The following ASCC3 variants were observed in gnomAD, a reference collection of about 807,000 sequenced individuals.
The protein encoded by ASCC3 is activating signal cointegrator 1 complex subunit 3, also known as ASC-1 complex subunit P200.
In ASCC3, 158 loss-of-function variants were observed where a neutral mutation model predicts 256.3. That is an observed-to-expected ratio of 0.62 (90% CI 0.54 to 0.70). ASCC3 has a LOEUF of 0.70. Among genes scored for constraint, ASCC3 ranks in the 30% least tolerant of loss-of-function variants. ASCC3 has a pLI of 0.00. For synonymous variants in ASCC3, 948 were observed against 883.4 expected (o/e 1.07, Z -1.30); for missense variants, 2,259 against 2,626.0 (o/e 0.86, Z 3.05).
At chr6:100,724,578 C>G (rs1053850604) in intron 11 of ASCC3, among the ~76,000 whole-genome samples, 1 of 151,088 alleles carries the variant, frequency 6.6e-6, no homozygotes, top group Non-Finnish European at 1.5e-5. Flanking sequence ...GAAATGGGGT[C>G]TAAGGCAAGG....
intron 36 of ASCC3, among the ~76,000 whole-genome samples, chr6:100,572,069 A>T (rs1770618299): frequency 6.6e-6 from 1 of 152,244 alleles, no homozygotes; most frequent in Non-Finnish European, 1.5e-5. Context: ...ATCAGGAGAT[A>T]TAAATCTCTA....
At chr6:100,523,958 A>G (rs1041860281) in intron 37 of ASCC3, among the ~76,000 whole-genome samples, 1 of 152,158 alleles carries the variant, frequency 6.6e-6, no homozygotes, top group Non-Finnish European at 1.5e-5. Context: ...ATATTTGTAT[A>G]TTATTGCACA....
At chr6:100,866,115 G>A (rs563557067) in intron 2 of ASCC3, among the ~76,000 whole-genome samples, 4 of 152,036 alleles carry the variant, frequency 2.6e-5, no homozygotes, top group South Asian at 2.1e-4. Context: ...GATTACAGGC[G>A]CCCACCACCA....
chr6:100,851,935 G>C (rs1562344328), intron 3 of ASCC3, among the ~76,000 whole-genome samples: 1 of 152,018 alleles, frequency 6.6e-6, no homozygotes, highest in Non-Finnish European at 1.5e-5. Flanking sequence ...TCTTCCCTAA[G>C]GGGCAACCAC....
Position 100,662,416 on chromosome 6 carries a change from T to C in ASCC3, c.2407A>G (p.Ile803Val), listed in dbSNP as rs755507327. The C allele has an allele frequency of 9.3e-6, 15 of 1,613,240 alleles. No homozygotes were observed. Among genetic ancestry groups the C allele is most frequent in the Non-Finnish European group, 1.2e-5 (14 of 1,179,530 alleles). ...GTAGCTGTACACACTAGGACTTTGA[T>C]ATGCCCATTAGAAAACAAGTTTTCA... Reference protein sequence around the residue: ...LVENLFSNGHIKVLVCTATLA... With the variant: ...LVENLFSNGHVKVLVCTATLA... Residue 803 changes from isoleucine (I) to valine (V), a missense_variant, in exon 15 of 42, where the codon ATC (isoleucine) becomes GTC (valine). Physicochemically the swap from Ile to Val is conservative, Grantham distance 29 (BLOSUM62 3). Coordinates refer to ENST00000369162, the MANE Select transcript of ASCC3 (RefSeq NM_006828.4).
At chr6:100,751,539 A>G (rs922693873) in intron 10 of ASCC3, among the ~76,000 whole-genome samples, 6 of 152,032 alleles carry the variant, frequency 3.9e-5, no homozygotes, top group African/African-American at 1.4e-4. Context: ...GTTACCATGC[A>G]GGTCCATAAT....
At chr6:100,765,319 ATGAT>A (rs1781600804) in intron 10 of ASCC3, among the ~76,000 whole-genome samples, 1 of 152,160 alleles carries the variant, frequency 6.6e-6, no homozygotes. Flanking sequence ...AGTTCAGGCC[ATGAT>A]GGGAAGTAAG....
chr6:100,518,411 C>T (rs1462131972), intron 37 of ASCC3, among the ~76,000 whole-genome samples: 1 of 151,980 alleles, frequency 6.6e-6, no homozygotes, highest in Non-Finnish European at 1.5e-5. Flanking sequence ...AAATTGGTAG[C>T]TAGCATTAAA....
chr6:100,763,916 T>C (rs1297914826), intron 10 of ASCC3, among the ~76,000 whole-genome samples: 1 of 152,188 alleles, frequency 6.6e-6, no homozygotes, highest in South Asian at 2.1e-4. Flanking sequence ...TTACATCCAT[T>C]GCTTGGCCAG....
Position 100,544,910 on chromosome 6 carries a change from A to T in ASCC3, c.5551-4523T>A, listed in dbSNP as rs147624917. Among the ~76,000 whole-genome samples, 1,509 of 152,354 alleles carry T rather than the reference A, an allele frequency of 9.9e-3. 8 individuals are homozygous for T. The highest frequency in any genetic ancestry group is 0.031 in the Middle Eastern group (9 of 294). On this transcript the variant is annotated intron_variant, in intron 36 of 41. Transcript: ENST00000369162. ...TCTCATAAACGTAAAAATTCTAAAC[A>T]AAATTTTAGCAAATTTAACAATATA...
intron 13 of ASCC3, 156 bp downstream of exon 13, chr6:100,715,306 G>T: frequency 1.6e-6 from 1 of 630,750 alleles, no homozygotes. Flanking sequence ...CTTACCCATT[G>T]GGCTAAAGCA....
intron 10 of ASCC3, among the ~76,000 whole-genome samples, chr6:100,760,810 A>G (rs1325592464): frequency 6.6e-6 from 1 of 152,212 alleles, no homozygotes; most frequent in African/African-American, 2.4e-5. Context: ...ATTGGAAAAT[A>G]AAACAAAACA....
intron 39 of ASCC3, among the ~76,000 whole-genome samples, chr6:100,514,100 A>T (rs1562084895): frequency 6.6e-6 from 1 of 152,106 alleles, no homozygotes; most frequent in Admixed American, 6.6e-5. Context: ...ACCCCTTAGG[A>T]ATTAAAAAAA....
intron 4 of ASCC3, among the ~76,000 whole-genome samples, chr6:100,841,608 G>A (rs1047201584): frequency 3.2e-4 from 48 of 151,604 alleles, no homozygotes; most frequent in African/African-American, 1.0e-3. Flanking sequence ...AGTACTATTA[G>A]AACACTAAAC....
chr6:100,676,756 ACACACT>A (rs989781234), intron 14 of ASCC3, among the ~76,000 whole-genome samples: 1 of 103,064 alleles, frequency 9.7e-6, no homozygotes, highest in Non-Finnish European at 2.0e-5. Flanking sequence ...GCGCGCACAC[ACACACT>A]CACACACACA....
rs1491003658 is a variant in ASCC3 at position 100,766,691 on chromosome 6, A to G, written c.1611T>C (p.Ala537=). Residue 537 remains alanine, a synonymous_variant, in exon 10 of 42, where the codon GCT becomes GCC. Coordinates refer to ENST00000369162, the MANE Select transcript of ASCC3 (RefSeq NM_006828.4). ...KKNEFKIVYV[A]PMKALAAEMT... Reference sequence around the variant, plus strand: ...TTTCAGCTGCCAAGGCTTTCATTGGAGCAACATATACAATCTATACCAAAG... The same window carrying G: ...TTTCAGCTGCCAAGGCTTTCATTGGGGCAACATATACAATCTATACCAAAG... 6.2e-7 allele frequency: 1 copy of G among 1,614,038 alleles called. No individual in the cohort carries two copies. The highest frequency in any genetic ancestry group is 1.7e-5 in the Admixed American group (1 of 60,014).
chr6:100,789,224 G>A lies in ASCC3; in HGVS notation c.1395+9489C>T, dbSNP rs187414159. Among the ~76,000 whole-genome samples, 64 of 151,956 alleles carry A rather than the reference G, an allele frequency of 4.2e-4. 4 individuals are homozygous for A. The East Asian group carries it at 6.6e-3, about 16-fold the overall frequency. Reference sequence around the variant, plus strand: ...TTTAGGGAAGTAACTTATAAATCCCGTTGACTTTTATGCTTCTCTACATGA... The same window carrying A: ...TTTAGGGAAGTAACTTATAAATCCCATTGACTTTTATGCTTCTCTACATGA... On this transcript the variant is annotated intron_variant, in intron 8 of 41. Transcript: ENST00000369162.
At position 100,655,770 on chromosome 6, in the gene ASCC3, T is replaced by G; in HGVS notation, c.2752A>C (p.Ser918Arg). 1.9e-6 allele frequency: 3 copies of G among 1,611,792 alleles called. No individual in the cohort carries two copies. Among genetic ancestry groups the G allele is most frequent in the Non-Finnish European group, 2.5e-6 (3 of 1,178,838 alleles). ...ATCCGTACATAAAGATAAGTGTAAC[T>G]TATCCACTTCACTGCTTCTTCCACA... ...TNVEEAVKWI[S>R]YTYLYVRMRA... is the part of the protein sequence containing the mutation. Residue 918 changes from serine (S) to arginine (R), a missense_variant, in exon 17 of 42, where the codon AGT becomes CGT. Ser to Arg is a moderately radical substitution (Grantham distance 110). This residue lies in a region of ASCC3 where 1,839 missense variants were observed against 2,206.7 expected (regional missense o/e 0.83). Transcript: ENST00000369162.
At chr6:100,693,115 G>T (rs1226311711) in intron 13 of ASCC3, among the ~76,000 whole-genome samples, 1 of 151,904 alleles carries the variant, frequency 6.6e-6, no homozygotes, top group Non-Finnish European at 1.5e-5. Flanking sequence ...TATATATGAT[G>T]ACTATAGAGT....
Sources: allele counts gnomAD v4.1 joint callset (sites outside exome capture counted in the v4.1 genomes callset), GRCh38; gene constraint gnomAD v4.1.1; regional missense constraint gnomAD v4.1.1; transcripts MANE v1.5; gene names NCBI Gene and HGNC (gene_info 2026-07-23, HGNC 2026-07-21).